The following SBNO1 variants were observed in gnomAD, a reference collection of about 807,000 sequenced individuals.
The protein encoded by SBNO1 is protein strawberry notch homolog 1.
SBNO1 carries 23 observed loss-of-function variants against 173.6 expected under a neutral mutation model. The ratio of observed to expected loss-of-function variants is 0.13; its 90% confidence interval spans 0.10 to 0.19. The LOEUF is 0.19. SBNO1 is among the 10% of genes least tolerant of loss of function. The pLI is 1.00. For missense variants in SBNO1, 1,238 were observed against 1,671.2 expected, an observed-to-expected ratio of 0.74 and a Z score of 4.52; for synonymous variants, 632 against 571.5, an observed-to-expected ratio of 1.11 and a Z score of -1.51.
At chr12:123,304,765 T>C (rs1436892228) in intron 28 of SBNO1, 46 bp from the exon 29 acceptor site, 1 of 1,229,380 alleles carries the variant, frequency 8.1e-7, no homozygotes, top group Non-Finnish European at 1.2e-6. Flanking sequence ...TAATACACAC[T>C]TTAAGACATG....
At position 123,327,591 on chromosome 12, in the gene SBNO1, T is replaced by C; in HGVS notation, c.1539-12A>G. The C allele has an allele frequency of 1.9e-6, 3 of 1,611,220 alleles. No individual in the cohort carries two copies. Among genetic ancestry groups the C allele is most frequent in the Non-Finnish European group, 2.5e-6 (3 of 1,178,060 alleles). ...TGGCACCAACTCCTCTGAATAAAAT[T>C]AAAACATACAGTAATTACCAATACA... On this transcript the variant is annotated splice_polypyrimidine_tract_variant and intron_variant, in intron 12 of 31. Transcript: ENST00000602398.
intron 28 of SBNO1, 103 bp downstream of exon 28, chr12:123,309,207 G>T: frequency 2.4e-6 from 2 of 829,702 alleles, no homozygotes; most frequent in Non-Finnish European, 2.0e-6. Context: ...AATAGACAAA[G>T]CTAAACACAA....
Position 123,295,933 on chromosome 12 carries a change from C to G in SBNO1, c.4157G>C (p.Ser1386Thr). ...KQLWQQHHPQSITNLSNA is the reference protein window; with the variant it reads ...KQLWQQHHPQTITNLSNA ...TCATGCGTTGCTCAAGTTGGTGATG[C>G]TCTGAGGGTGATGCTGTTGCCATAG... The change falls in exon 32 of 32, where the codon AGC becomes ACC. Residue 1386 changes from serine to threonine, a missense_variant. Ser to Thr is a moderately conservative substitution (Grantham distance 58). Around this residue, in one of 14 missense-constraint regions of SBNO1, gnomAD observed 351 missense variants for 420.3 expected, o/e 0.84. Transcript: ENST00000602398. 1 of 1,612,960 alleles carries G rather than the reference C, an allele frequency of 6.2e-7. No homozygotes were observed. The highest frequency in any genetic ancestry group is 8.5e-7 in the Non-Finnish European group (1 of 1,178,930).
At chr12:123,337,004 C>T (rs149476061) in intron 5 of SBNO1, among the ~76,000 whole-genome samples, 74 of 152,272 alleles carry the variant, frequency 4.9e-4, no homozygotes, top group African/African-American at 1.5e-3. Context: ...CCTGCTTTCC[C>T]GCATATCCTA....
chr12:123,301,795 TGAG>T lies in SBNO1; in HGVS notation c.3845+1026_3845+1028del, dbSNP rs1490921430. Among the ~76,000 whole-genome samples, 11 of 152,202 alleles carry T rather than the reference TGAG, an allele frequency of 7.2e-5. No homozygotes were observed. The East Asian group carries it at 1.7e-3, about 24-fold the overall frequency. ...AAAAGAGCCCAGCTACTCAGGAGGC[TGAG>T]ATGGGAGGAGTTTGAGGCTGCAGTG... On this transcript the variant is annotated intron_variant, in intron 30 of 31. Transcript: ENST00000602398.
chr12:123,337,693 A>G (rs1170320565), intron 5 of SBNO1, among the ~76,000 whole-genome samples: 1 of 152,234 alleles, frequency 6.6e-6, no homozygotes, highest in African/African-American at 2.4e-5. Flanking sequence ...AGGACTGGCC[A>G]AATGAATAGA....
At position 123,321,548 on chromosome 12, in the gene SBNO1, CTCA is replaced by C; in HGVS notation, c.2307_2309del (p.Asn769_Glu770delinsLys). 1 of 1,610,594 alleles carries C rather than the reference CTCA, an allele frequency of 6.2e-7. No homozygotes were observed. The highest frequency in any genetic ancestry group is 8.5e-7 in the Non-Finnish European group (1 of 1,176,928). The stretch of plus-strand genomic sequence containing the variant: ...TACTGAACTTACCATTTTCATCATC[CTCA>C]TTAGACTCATCTAAAAATGGGTTGA... On this transcript the variant is annotated inframe_deletion, in exon 17 of 32. Transcript: ENST00000602398.
At chr12:123,353,485 G>A (rs552896339) in intron 1 of SBNO1, among the ~76,000 whole-genome samples, 1 of 151,976 alleles carries the variant, frequency 6.6e-6, no homozygotes, top group Non-Finnish European at 1.5e-5. Flanking sequence ...AAATTGGAGG[G>A]GGAATAAAGT....
At position 123,319,165 on chromosome 12, in the gene SBNO1, CCAT is replaced by C. The variant is rs377634280; in HGVS notation, c.2799+732_2799+734del. 3.8e-3 allele frequency among the ~76,000 whole-genome samples: 577 copies of C among 152,006 alleles called. 4 individuals carry two copies. Among genetic ancestry groups the C allele is most frequent in the African/African-American group, 0.013 (532 of 41,488 alleles). On this transcript the variant is annotated intron_variant, in intron 20 of 31. Coordinates refer to ENST00000602398, the MANE Select transcript of SBNO1 (RefSeq NM_001167856.3). ...TTTTAGTAGAGATGGGGTTTCACCACCATGTTTGCCAGCCTGGTCTTGAACTCC... is the reference window on the plus strand; with the variant it reads ...TTTTAGTAGAGATGGGGTTTCACCACGTTTGCCAGCCTGGTCTTGAACTCC...
At chr12:123,309,902 A>AT (rs1593338094) in intron 25 of SBNO1, 46 bp from the exon 26 acceptor site, 3 of 1,475,968 alleles carry the variant, frequency 2.0e-6, no homozygotes, top group East Asian at 4.5e-5. Context: ...GATAATTAAA[A>AT]ATTTTTTATT....
rs776082660 is a variant in SBNO1 at position 123,317,345 on chromosome 12, G to T, written c.2811C>A (p.Ile937=). The change falls in exon 21 of 32, where the codon ATC becomes ATA. Residue 937 remains isoleucine (I), a synonymous_variant. Transcript: ENST00000602398. ...RFMDGDKNIA[I]ISEAASSGIS... The stretch of plus-strand genomic sequence containing the variant: ...TACCCGAGCTGGCAGCTTCTGAGAT[G>T]ATAGCAATATTCTGTGTCAAATATA... 6.2e-7 allele frequency: 1 copy of T among 1,614,040 alleles called. No individual in the cohort carries two copies. Among genetic ancestry groups the T allele is most frequent in the Non-Finnish European group, 8.5e-7 (1 of 1,179,944 alleles).
intron 9 of SBNO1, 75 bp from the exon 10 acceptor site, chr12:123,328,970 C>G: frequency 1.1e-6 from 1 of 870,030 alleles, no homozygotes; most frequent in Non-Finnish European, 1.7e-6. Context: ...ACTAAACATT[C>G]ACAAGCAGGA....
intron 4 of SBNO1, among the ~76,000 whole-genome samples, chr12:123,344,521 C>A (rs1304600811): frequency 6.6e-6 from 1 of 152,190 alleles, no homozygotes; most frequent in Non-Finnish European, 1.5e-5. Context: ...ATCGCCCATT[C>A]TTTTAGAATG....
At chr12:123,337,614 C>A (rs139882574) in intron 5 of SBNO1, among the ~76,000 whole-genome samples, 56 of 152,176 alleles carry the variant, frequency 3.7e-4, no homozygotes, top group African/African-American at 1.3e-3. Flanking sequence ...TAGATAAAAT[C>A]TAAAAACTTG....
At position 123,304,823 on chromosome 12, in the gene SBNO1, CTAAG is replaced by C. The variant is rs1190566273; in HGVS notation, c.3631-108_3631-105del. The C allele has an allele frequency of 5.4e-5, 43 of 792,738 alleles. No homozygotes were observed. In the African/African-American group the frequency reaches 6.0e-4, roughly 11 times the overall value. The allele number at this position is 792,738 out of a possible 1,614,324, so 49.1% of individuals were successfully genotyped here. ...AACATAATCATTTGAGACTATAACA[CTAAG>C]TAAGTACACGGTAACTTCAAAAAGG... On this transcript the variant is annotated intron_variant, in intron 28 of 31. Coordinates refer to ENST00000602398, the MANE Select transcript of SBNO1 (RefSeq NM_001167856.3).
rs1278766920 is a variant in SBNO1, at chr12:123,345,353, A to C, written c.455T>G (p.Val152Gly). ...ATTTTTCAGTAGATCTTTAAGCTGA[A>C]CTTGGTCTTTTGAAGGTGCAGAGGT... Reference protein sequence around the residue: ...AMTSAPSKDQVQLKDLLKNNS... With the variant: ...AMTSAPSKDQGQLKDLLKNNS... The change falls in exon 4 of 32, where the codon GTT becomes GGT. Residue 152 changes from valine to glycine, a missense_variant. Val to Gly is a moderately radical substitution (Grantham distance 109). Around this residue, in one of 14 missense-constraint regions of SBNO1, gnomAD observed 287 missense variants for 274.1 expected, o/e 1.05. Coordinates refer to ENST00000602398, the MANE Select transcript of SBNO1 (RefSeq NM_001167856.3). 2.5e-6 allele frequency: 4 copies of C among 1,614,008 alleles called. No individual in the cohort carries two copies. The highest frequency in any genetic ancestry group is 2.5e-6 in the Non-Finnish European group (3 of 1,179,980).
At chr12:123,341,636 C>T (rs756802951) in intron 4 of SBNO1, among the ~76,000 whole-genome samples, 2 of 152,006 alleles carry the variant, frequency 1.3e-5, no homozygotes, top group Non-Finnish European at 2.9e-5. Flanking sequence ...ATTCTCCTGC[C>T]TCAGACCCCC....
At chr12:123,350,535 G>T in intron 1 of SBNO1, 94 bp from the exon 2 acceptor site, 1 of 997,364 alleles carries the variant, frequency 1.0e-6, no homozygotes, top group Non-Finnish European at 1.6e-6. Flanking sequence ...ATCTCTATTA[G>T]ACCCATTCAT....
intron 6 of SBNO1, among the ~76,000 whole-genome samples, 178 bp from the exon 7 acceptor site, chr12:123,334,391 G>T (rs546085118): frequency 6.6e-6 from 1 of 152,148 alleles, no homozygotes; most frequent in Non-Finnish European, 1.5e-5. Context: ...TGACTAAAAT[G>T]ATTTATCAAC....
Sources: gnomAD v4.1 joint callset for allele counts (sites outside exome capture counted in the v4.1 genomes callset) on GRCh38, gnomAD v4.1.1 for gene constraint, gnomAD v4.1.1 regional missense constraint, MANE v1.5 for transcripts, NCBI Gene and HGNC (gene_info 2026-07-23, HGNC 2026-07-21) for gene names.